NRXN1: variants seen among roughly 807,000 people sequenced by gnomAD.
The protein encoded by NRXN1 is neurexin 1.
A neutral mutation model predicts 150.9 loss-of-function variants in NRXN1; 39 were observed. That is an observed-to-expected ratio of 0.26 (90% CI 0.20 to 0.34). The LOEUF is 0.34. NRXN1 is among the 10% of genes least tolerant of loss of function. NRXN1 has a pLI of 1.00. For missense variants in NRXN1, 1,815 were observed against 1,949.9 expected (o/e 0.93, Z 1.30); for synonymous variants, 924 against 757.0 (o/e 1.22, Z -3.62).
intron 17 of NRXN1, among the ~76,000 whole-genome samples, chr2:50,357,411 C>T (rs971070137): frequency 2.6e-5 from 4 of 151,910 alleles, no homozygotes; most frequent in Admixed American, 6.6e-5. Flanking sequence ...TGGGTTCAGA[C>T]GATTCTCCTG....
At chr2:50,710,716 TG>T (rs147804679) in intron 5 of NRXN1, among the ~76,000 whole-genome samples, 11,392 of 152,256 alleles carry the variant, frequency 0.075, 549 homozygotes, top group Non-Finnish European at 0.11. Flanking sequence ...AATTATTTGC[TG>T]GTAAGTGAGC....
intron 2 of NRXN1, among the ~76,000 whole-genome samples, chr2:50,937,293 T>A (rs1688696561): frequency 6.6e-6 from 1 of 152,182 alleles, no homozygotes; most frequent in Non-Finnish European, 1.5e-5. Context: ...CCATTCCCCT[T>A]CTTTTGTTCA....
At chr2:50,072,117 T>G (rs1211261197) in intron 19 of NRXN1, among the ~76,000 whole-genome samples, 2 of 152,212 alleles carry the variant, frequency 1.3e-5, no homozygotes, top group Non-Finnish European at 2.9e-5. Context: ...CTACTTAACC[T>G]CTCATACCAT....
chr2:50,322,061 CAT>C (rs2076081064), intron 17 of NRXN1, among the ~76,000 whole-genome samples: 1 of 147,180 alleles, frequency 6.8e-6, no homozygotes, highest in Admixed American at 6.8e-5. Flanking sequence ...AACAGTCTGT[CAT>C]GTGCACTTCA....
chr2:51,008,617 T>C (rs1052067592), intron 2 of NRXN1, among the ~76,000 whole-genome samples: 7 of 151,852 alleles, frequency 4.6e-5, no homozygotes, highest in Non-Finnish European at 8.8e-5. Context: ...AACGTATTTA[T>C]TAATTGTATT....
At chr2:50,531,859 T>C (rs987439337) in intron 10 of NRXN1, among the ~76,000 whole-genome samples, 3 of 152,064 alleles carry the variant, frequency 2.0e-5, no homozygotes, top group African/African-American at 7.2e-5. Context: ...TGTTGTTGTT[T>C]GTTTGTTTGA....
At chr2:50,087,967 T>A (rs1246886226) in intron 19 of NRXN1, among the ~76,000 whole-genome samples, 1 of 152,130 alleles carries the variant, frequency 6.6e-6, no homozygotes, top group Non-Finnish European at 1.5e-5. Context: ...CTAATTTCAA[T>A]CCTTATTACC....
chr2:50,829,687 C>T (rs999312829), intron 5 of NRXN1: 25 of 1,607,362 alleles, frequency 1.6e-5, no homozygotes, highest in South Asian at 3.3e-5. Flanking sequence ...AGCGGAGCGC[C>T]GCGCCAGGCC....
chr2:50,668,578 G>C (rs1271240186), intron 5 of NRXN1, among the ~76,000 whole-genome samples: 3 of 151,994 alleles, frequency 2.0e-5, no homozygotes, highest in African/African-American at 7.2e-5. Flanking sequence ...CTGGACAGTT[G>C]TGCTGTGATA....
chr2:50,013,755 T>A (rs566420590), intron 21 of NRXN1, among the ~76,000 whole-genome samples: 18 of 152,314 alleles, frequency 1.2e-4, no homozygotes, highest in Non-Finnish European at 1.9e-4. Context: ...GTTCAATGAC[T>A]GGCTGAGTAG....
chr2:50,642,459 A>G lies in NRXN1; in HGVS notation c.833-18844T>C, dbSNP rs192925130. On this transcript the variant is annotated intron_variant, in intron 5 of 22. Transcript: ENST00000401669. Reference sequence around the variant, plus strand: ...AATGAGTGAAGGTTTTGAGGTGAGAAATAAAATTAATGAAATTTGACTCGA... The same window carrying G: ...AATGAGTGAAGGTTTTGAGGTGAGAGATAAAATTAATGAAATTTGACTCGA... 6.0e-4 allele frequency among the ~76,000 whole-genome samples: 91 copies of G among 152,168 alleles called. 1 individual carries two copies. Among genetic ancestry groups the G allele is most frequent in the African/African-American group, 2.1e-3 (88 of 41,562 alleles).
chr2:49,928,617 C>A (rs1408566210), intron 22 of NRXN1, among the ~76,000 whole-genome samples: 2 of 151,642 alleles, frequency 1.3e-5, no homozygotes, highest in African/African-American at 4.8e-5. Flanking sequence ...TTTTTTCCCC[C>A]ATTTGAAAAA....
chr2:50,433,372 A>G (rs982167212), intron 17 of NRXN1, among the ~76,000 whole-genome samples: 2 of 152,154 alleles, frequency 1.3e-5, no homozygotes, highest in African/African-American at 2.4e-5. Context: ...AAATACACAA[A>G]CTTATATTGC....
intron 5 of NRXN1, among the ~76,000 whole-genome samples, chr2:50,649,259 TAC>T (rs10634117): frequency 0.24 from 34,547 of 143,182 alleles, 4,202 homozygotes; most frequent in Non-Finnish European, 0.3. Flanking sequence ...CATACACACA[TAC>T]ACACACACAC....
intron 18 of NRXN1, among the ~76,000 whole-genome samples, chr2:50,098,166 T>C (rs1209862049): frequency 6.6e-6 from 1 of 152,198 alleles, no homozygotes; most frequent in South Asian, 2.1e-4. Flanking sequence ...AAATAGCGTC[T>C]GTTTAAAATT....
At chr2:50,167,634 TA>T (rs1448715847) in intron 18 of NRXN1, among the ~76,000 whole-genome samples, 2 of 152,190 alleles carry the variant, frequency 1.3e-5, no homozygotes, top group African/African-American at 4.8e-5. Flanking sequence ...AGCTAATTTA[TA>T]AATACCTGGA....
intron 17 of NRXN1, among the ~76,000 whole-genome samples, chr2:50,386,415 G>C (rs562150944): frequency 1.2e-4 from 18 of 152,036 alleles, no homozygotes; most frequent in African/African-American, 3.6e-4. Flanking sequence ...TGCCAAAAAA[G>C]TAATGGTTCA....
At chr2:50,970,516 G>C (rs1485176325) in intron 2 of NRXN1, among the ~76,000 whole-genome samples, 2 of 151,886 alleles carry the variant, frequency 1.3e-5, no homozygotes, top group African/African-American at 4.8e-5. Flanking sequence ...TAATAAAGAA[G>C]AATAAATTTA....
chr2:50,800,613 G>A (rs997615436), intron 5 of NRXN1, among the ~76,000 whole-genome samples: 7 of 152,000 alleles, frequency 4.6e-5, no homozygotes, highest in Non-Finnish European at 8.8e-5. Context: ...ACAATGGCGC[G>A]ATCTCGGCTC....
Sources: gnomAD v4.1 joint callset for allele counts (sites outside exome capture counted in the v4.1 genomes callset) on GRCh38, gnomAD v4.1.1 for gene constraint, MANE v1.5 for transcripts, NCBI Gene and HGNC (gene_info 2026-07-23, HGNC 2026-07-21) for gene names.